The following DMD variants were observed in gnomAD, a reference collection of about 807,000 sequenced individuals.
DMD encodes mutant dystrophin.
DMD carries 63 observed loss-of-function variants against 330.1 expected under a neutral mutation model. The ratio of observed to expected loss-of-function variants is 0.19; its 90% CI spans 0.16 to 0.24. The LOEUF (loss-of-function observed/expected upper bound fraction) is 0.24. Among genes scored for constraint, DMD ranks in the 10% least tolerant of loss-of-function variants. DMD has a pLI of 1.00. For synonymous variants in DMD, 1,223 were observed against 959.8 expected, an observed-to-expected ratio of 1.27 and a Z score of -5.07; for missense variants, 3,344 against 2,684.1, an observed-to-expected ratio of 1.25 and a Z score of -5.43.
chrX:31,461,251 G>A (rs910309959), intron 59 of DMD, among the ~76,000 whole-genome samples: 3 of 111,893 alleles, frequency 2.7e-5, no homozygotes, highest in Admixed American at 9.5e-5. Flanking sequence ...CACAAAATAT[G>A]TCTTCAGGTA....
intron 44 of DMD, among the ~76,000 whole-genome samples, chrX:32,024,600 A>G (rs1024676601): frequency 2.7e-5 from 3 of 111,400 alleles, no homozygotes; most frequent in Admixed American, 9.6e-5. Flanking sequence ...AAGCAGGGAC[A>G]CTAGAGCCAC....
chrX:33,138,476 G>A (rs1271664133), intron 1 of DMD, among the ~76,000 whole-genome samples: 1 of 111,403 alleles, frequency 9.0e-6, no homozygotes, highest in Admixed American at 9.6e-5. Flanking sequence ...CTATATAGCT[G>A]GAAAGAGATA....
chrX:31,344,042 G>GGC (rs753354777), intron 61 of DMD, among the ~76,000 whole-genome samples: 61 of 101,178 alleles, frequency 6.0e-4, no homozygotes, highest in Admixed American at 2.4e-3. Flanking sequence ...GAGTGCGGGG[G>GGC]GGGGTGGATT....
At chrX:31,584,696 A>G (rs1278436644) in intron 55 of DMD, among the ~76,000 whole-genome samples, 1 of 111,570 alleles carries the variant, frequency 9.0e-6, no homozygotes, top group Non-Finnish European at 1.9e-5. Flanking sequence ...AGTTTCACAA[A>G]GTTTGGCCAT....
At chrX:31,809,239 TAGAG>T (rs1354221690) in intron 50 of DMD, among the ~76,000 whole-genome samples, 2 of 106,617 alleles carry the variant, frequency 1.9e-5, no homozygotes, top group Non-Finnish European at 3.9e-5. Flanking sequence ...AAAAACTATA[TAGAG>T]ATATAGCTAT....
chrX:32,325,735 G>A (rs770887589), intron 41 of DMD, among the ~76,000 whole-genome samples: 1 of 110,796 alleles, frequency 9.0e-6, no homozygotes, highest in Admixed American at 9.6e-5. Flanking sequence ...AACAGCCAAT[G>A]GCTAATAGCA....
intron 63 of DMD, among the ~76,000 whole-genome samples, chrX:31,255,307 T>A (rs768169298): frequency 9.0e-6 from 1 of 111,548 alleles, no homozygotes; most frequent in East Asian, 2.8e-4. Context: ...TTCTGGAGCC[T>A]TGAAGAGCTC....
intron 62 of DMD, chrX:31,266,767 G>T (rs1205545954): frequency 7.0e-6 from 8 of 1,149,208 alleles, no homozygotes; most frequent in Non-Finnish European, 9.5e-6. Flanking sequence ...ACAAGTGCAC[G>T]GATTGCGGCC....
Position 32,306,840 on chromosome X carries a change from T to C in DMD, c.6117+3242A>G, listed in dbSNP as rs2035751654. On this transcript the variant is annotated intron_variant, in intron 42 of 78. Transcript: ENST00000357033. ...TTCTTCAGGTGAAGACATTCTGCTC[T>C]ACCATAAAGAATAATATTAGCTGTA... 2.7e-5 allele frequency among the ~76,000 whole-genome samples: 3 copies of C among 111,318 alleles called. No individual in the cohort carries two copies. In the South Asian group the frequency reaches 1.1e-3, roughly 42 times the overall value.
intron 2 of DMD, among the ~76,000 whole-genome samples, chrX:32,960,688 G>T (rs1224945829): frequency 9.0e-6 from 1 of 110,854 alleles, no homozygotes; most frequent in Non-Finnish European, 1.9e-5. Flanking sequence ...AGTTCATGCT[G>T]AACTCTTCTC....
At chrX:31,730,770 T>C (rs2086445239) in intron 51 of DMD, among the ~76,000 whole-genome samples, 1 of 112,119 alleles carries the variant, frequency 8.9e-6, no homozygotes, top group Non-Finnish European at 1.9e-5. Flanking sequence ...TTCTCATTTT[T>C]TTCTTATAAT....
intron 2 of DMD, among the ~76,000 whole-genome samples, chrX:32,902,306 C>T (rs2086337368): frequency 9.1e-6 from 1 of 109,698 alleles, no homozygotes; most frequent in Non-Finnish European, 1.9e-5. Flanking sequence ...TTCTATAGTT[C>T]CAGCAGAAAG....
At chrX:31,257,526 A>T (rs1367784710) in intron 63 of DMD, among the ~76,000 whole-genome samples, 3 of 112,143 alleles carry the variant, frequency 2.7e-5, no homozygotes, top group Non-Finnish European at 5.6e-5. Context: ...TAAACTAATA[A>T]GTAAAAACTA....
chrX:32,279,818 C>T (rs1394290529), intron 43 of DMD, among the ~76,000 whole-genome samples: 2 of 109,114 alleles, frequency 1.8e-5, no homozygotes, highest in East Asian at 2.9e-4. Context: ...TAAAAAAATA[C>T]AATTTTACTG....
In DMD at chrX:31,762,199, C is replaced by A. The variant is rs141899029; in HGVS notation, c.7542+11761G>T. Among the ~76,000 whole-genome samples, 272 of 112,161 alleles carry A rather than the reference C, an allele frequency of 2.4e-3. 2 individuals are homozygous for A. Among genetic ancestry groups the A allele is most frequent in the African/African-American group, 7.6e-3 (235 of 30,926 alleles). ...CTGACACAGCTGGAATATGCTTTTACTTTCCCCATTTTCCCTTCTTCCATT... is the reference window on the plus strand; with the variant it reads ...CTGACACAGCTGGAATATGCTTTTAATTTCCCCATTTTCCCTTCTTCCATT... On this transcript the variant is annotated intron_variant, in intron 51 of 78. Coordinates refer to ENST00000357033, the MANE Select transcript of DMD (RefSeq NM_004006.3).
chrX:31,821,454 A>G (rs773046612), intron 49 of DMD, among the ~76,000 whole-genome samples: 213 of 112,376 alleles, frequency 1.9e-3, no homozygotes, highest in Non-Finnish European at 2.6e-3. Context: ...ATAGACCCTC[A>G]GATCATTTTC....
chrX:32,919,353 G>C (rs763452994), intron 2 of DMD, among the ~76,000 whole-genome samples: 126 of 111,759 alleles, frequency 1.1e-3, no homozygotes, highest in Non-Finnish European at 2.1e-3. Flanking sequence ...TGATCAGGTT[G>C]CATGTCTAAG....
chrX:32,456,248 C>A (rs1271950815), intron 25 of DMD, among the ~76,000 whole-genome samples: 1 of 110,534 alleles, frequency 9.0e-6, no homozygotes, highest in African/African-American at 3.3e-5. Flanking sequence ...ATTTTAGGTT[C>A]TTTACTTACC....
At chrX:31,129,933 G>A (rs183298816) in intron 77 of DMD, among the ~76,000 whole-genome samples, 8 of 111,622 alleles carry the variant, frequency 7.2e-5, no homozygotes, top group East Asian at 2.8e-4. Context: ...GAATGTACGC[G>A]GGCTTATTTG....
Sources: allele counts gnomAD v4.1 joint callset (sites outside exome capture counted in the v4.1 genomes callset), GRCh38; gene constraint gnomAD v4.1.1; transcripts MANE v1.5; gene names NCBI Gene and HGNC (gene_info 2026-07-23, HGNC 2026-07-21).